TRAK1: variants seen among roughly 807,000 people sequenced by gnomAD.
TRAK1 encodes trafficking kinesin-binding protein 1.
In TRAK1, 33 loss-of-function variants were observed where a neutral mutation model predicts 92.1. That is an observed-to-expected ratio of 0.36 (90% CI 0.27 to 0.48). The LOEUF (loss-of-function observed/expected upper bound fraction) is 0.48. Among genes scored for constraint, TRAK1 ranks in the 20% least tolerant of loss-of-function variants. TRAK1 has a pLI of 0.99. For missense variants in TRAK1, 1,123 were observed against 1,257.9 expected (o/e 0.89, Z 1.62); for synonymous variants, 521 against 517.3 (o/e 1.01, Z -0.10).
intron 1 of TRAK1, among the ~76,000 whole-genome samples, chr3:42,035,254 A>G (rs1702285142): frequency 6.6e-6 from 1 of 151,696 alleles, no homozygotes; most frequent in African/African-American, 2.4e-5. Context: ...TTTTCCTCCT[A>G]CTTCTCCAAC....
upstream of TRAK1, among the ~76,000 whole-genome samples, chr3:42,090,741 G>A (rs114869385): frequency 1.3e-5 from 2 of 152,196 alleles, no homozygotes; most frequent in African/African-American, 4.8e-5. Flanking sequence ...AGAATGTAGT[G>A]CTGAAACTTC....
chr3:42,019,708 G>A, intron 1 of TRAK1, among the ~76,000 whole-genome samples: 1 of 152,156 alleles, frequency 6.6e-6, no homozygotes, highest in East Asian at 1.9e-4. Flanking sequence ...AGCCTCTAGT[G>A]TAGGCTGCCT....
intron 1 of TRAK1, among the ~76,000 whole-genome samples, chr3:42,106,527 T>C (rs557384930): frequency 1.3e-5 from 2 of 152,276 alleles, no homozygotes; most frequent in Non-Finnish European, 2.9e-5. Context: ...AGATAAAAAA[T>C]AAAAATATAA....
At chr3:42,089,942 A>G (rs1294233749), upstream of TRAK1, among the ~76,000 whole-genome samples, 6 of 152,150 alleles carry the variant, frequency 3.9e-5, no homozygotes, top group Non-Finnish European at 7.3e-5. Flanking sequence ...AGTGAGTACT[A>G]TTATCCTCTT....
intron 3 of TRAK1, among the ~76,000 whole-genome samples, chr3:42,179,292 C>T (rs1178992578): frequency 6.6e-6 from 1 of 152,182 alleles, no homozygotes; most frequent in East Asian, 1.9e-4. Context: ...GTGGCTGTTG[C>T]ACTGTGCGGT....
chr3:42,182,299 C>CTTTTT (rs57384116), intron 3 of TRAK1, among the ~76,000 whole-genome samples: 1 of 144,290 alleles, frequency 6.9e-6, no homozygotes, highest in Non-Finnish European at 1.5e-5. Flanking sequence ...GCAACTCTCT[C>CTTTTT]TTTTTTTTTT....
At chr3:42,178,501 G>A (rs913776798) in intron 3 of TRAK1, among the ~76,000 whole-genome samples, 1 of 152,144 alleles carries the variant, frequency 6.6e-6, no homozygotes, top group Non-Finnish European at 1.5e-5. Context: ...GGGGACCTTT[G>A]AAGATGGCCC....
At chr3:42,074,168 A>G (rs1704051239) in intron 1 of TRAK1, among the ~76,000 whole-genome samples, 1 of 152,064 alleles carries the variant, frequency 6.6e-6, no homozygotes, top group Non-Finnish European at 1.5e-5. Context: ...TCAAAGCTAG[A>G]CTCGCATCCT....
chr3:42,180,447 G>C (rs1361904353), intron 3 of TRAK1, among the ~76,000 whole-genome samples: 1 of 152,070 alleles, frequency 6.6e-6, no homozygotes. Context: ...AGCCTGGGTA[G>C]CATAGTGAGA....
intron 2 of TRAK1, among the ~76,000 whole-genome samples, chr3:42,126,550 T>A (rs938556503): frequency 1.3e-5 from 2 of 152,246 alleles, no homozygotes; most frequent in African/African-American, 4.8e-5. Context: ...ATGATTCTGG[T>A]ATTTATTCAA....
chr3:42,160,434 A>G lies in TRAK1; in HGVS notation c.287-16380A>G. 2.5e-6 allele frequency: 4 copies of G among 1,614,208 alleles called. No individual in the cohort carries two copies. The African/African-American group carries it at 4.0e-5, about 16-fold the overall frequency. On this transcript the variant is annotated intron_variant, in intron 2 of 15. Transcript: ENST00000327628. ...CTGCCAGGATGAAGAGAGGAAGCCA[A>G]CCCACAGGCAGCATGACACCCAGGA...
intron 2 of TRAK1, among the ~76,000 whole-genome samples, chr3:42,157,516 C>T (rs1046844539): frequency 2.6e-4 from 36 of 136,478 alleles, no homozygotes; most frequent in African/African-American, 2.7e-5. Context: ...AGTGGGACCG[C>T]TCCACAGCAG....
rs1180492649 is a variant in TRAK1 at position 42,193,894 on chromosome 3, C to G, written c.971C>G (p.Ala324Gly). ...AAGGATGCCCAGCGGCAGCTCACAG[C>G]CGAGGTGAGCACCTCTCCCTCATTC... ...AAKDAQRQLT[A>G]ELRELEDKYA... Residue 324 changes from alanine (A) to glycine (G), a missense_variant, in exon 9 of 16, where the codon GCC becomes GGC. Ala to Gly is a moderately conservative substitution (Grantham distance 60). Transcript: ENST00000327628. 8 of 1,613,884 alleles carry G rather than the reference C, an allele frequency of 5.0e-6. No homozygotes were observed. The highest frequency in any genetic ancestry group is 6.8e-6 in the Non-Finnish European group (8 of 1,179,856).
At chr3:42,054,805 A>G (rs1576193790) in intron 1 of TRAK1, among the ~76,000 whole-genome samples, 1 of 150,972 alleles carries the variant, frequency 6.6e-6, no homozygotes, top group Non-Finnish European at 1.5e-5. Context: ...AACCATTGCC[A>G]TGATTATCTC....
chr3:42,017,218 G>A (rs1035966138), intron 1 of TRAK1, among the ~76,000 whole-genome samples: 9 of 152,190 alleles, frequency 5.9e-5, no homozygotes, highest in African/African-American at 2.2e-4. Context: ...CCAAGATTGT[G>A]CCATTGCACT....
intron 1 of TRAK1, among the ~76,000 whole-genome samples, chr3:42,056,970 G>A (rs1703228174): frequency 6.6e-6 from 1 of 152,178 alleles, no homozygotes; most frequent in Non-Finnish European, 1.5e-5. Flanking sequence ...AGTTTTCTGT[G>A]GATTTGAACC....
chr3:42,059,564 A>ATTTTGTG (rs567874562), intron 1 of TRAK1, among the ~76,000 whole-genome samples: 71 of 152,222 alleles, frequency 4.7e-4, no homozygotes, highest in African/African-American at 1.6e-3. Flanking sequence ...TTCCTCGTGG[A>ATTTTGTG]CACTTCTGTG....
chr3:42,197,988 GCCACCCCTGGCTGGTGGTTT>G (rs1448874015), intron 10 of TRAK1, among the ~76,000 whole-genome samples: 3 of 152,202 alleles, frequency 2.0e-5, no homozygotes, highest in African/African-American at 7.2e-5. Context: ...GTGCTCACTA[GCCACCCCTGGCTGGTGGTTT>G]CCACATGTAC....
intron 1 of TRAK1, among the ~76,000 whole-genome samples, chr3:42,027,753 C>T (rs7373005): frequency 0.96 from 146,537 of 152,232 alleles, 70,803 homozygotes; most frequent in East Asian, 1. Flanking sequence ...AATTCAGAGA[C>T]TGGGAAAGAA....
Sources: allele counts gnomAD v4.1 joint callset (sites outside exome capture counted in the v4.1 genomes callset), GRCh38; gene constraint gnomAD v4.1.1; transcripts MANE v1.5; gene names NCBI Gene and HGNC (gene_info 2026-07-23, HGNC 2026-07-21).